Variants in FGF2 observed in about 807,000 individuals in gnomAD.
The protein encoded by FGF2 is basic fibroblast growth factor bFGF.
A neutral mutation model predicts 15.9 loss-of-function variants in FGF2; 13 were observed. That is an observed-to-expected ratio of 0.82 (90% CI 0.53 to 1.30). The LOEUF (loss-of-function observed/expected upper bound fraction) is 1.30, where lower values mean the gene tolerates loss of function less well. FGF2 is among the 50% of genes most tolerant of loss of function. The pLI is 0.00. For synonymous variants in FGF2, 90 were observed against 78.4 expected (o/e 1.15, Z -0.78); for missense variants, 163 against 196.9 (o/e 0.83, Z 1.03).
At chr4:122,843,436 G>A (rs1159017728) in intron 1 of FGF2, among the ~76,000 whole-genome samples, 1 of 152,196 alleles carries the variant, frequency 6.6e-6, no homozygotes, top group Non-Finnish European at 1.5e-5. Flanking sequence ...AAGTGGTGGG[G>A]AGTCAATGGA....
intron 1 of FGF2, among the ~76,000 whole-genome samples, chr4:122,830,693 A>G (rs1446759563): frequency 6.6e-6 from 1 of 152,018 alleles, no homozygotes. Flanking sequence ...CTGTGTAAAA[A>G]CATTCAGAAG....
intron 2 of FGF2, among the ~76,000 whole-genome samples, chr4:122,884,996 T>G (rs571254752): frequency 2.6e-5 from 4 of 152,300 alleles, no homozygotes; most frequent in Non-Finnish European, 4.4e-5. Context: ...TACAAGTTAG[T>G]TAGGGATCAA....
chr4:122,870,264 TGTTCATCAGG>T (rs1726702750), intron 1 of FGF2, among the ~76,000 whole-genome samples: 1 of 152,018 alleles, frequency 6.6e-6, no homozygotes, highest in Non-Finnish European at 1.5e-5. Context: ...TTCACATCAG[TGTTCATCAGG>T]GATGTTGGCC....
In FGF2 at chr4:122,892,790, T is replaced by G. The variant is rs1484326648; in HGVS notation, c.*394T>G. 2 of 1,479,228 alleles carry G rather than the reference T, an allele frequency of 1.4e-6. No individual in the cohort carries two copies. Among genetic ancestry groups the G allele is most frequent in the Admixed American group, 4.2e-5 (2 of 47,114 alleles). The allele number at this position is 1,479,228 out of a possible 1,614,324, so 91.6% of individuals were successfully genotyped here. On this transcript the variant is annotated 3_prime_UTR_variant, in exon 3 of 3. Coordinates refer to ENST00000644866, the MANE Select transcript of FGF2 (RefSeq NM_001361665.2). ...AAATGTCCACTATTTCTTATGTCAT[T>G]CGTTAGTCTACATGTTTCTAAACAT...
intron 1 of FGF2, among the ~76,000 whole-genome samples, chr4:122,830,081 A>T (rs751911858): frequency 1.3e-5 from 2 of 152,180 alleles, no homozygotes; most frequent in Non-Finnish European, 2.9e-5. Context: ...TGTCACTGGA[A>T]TTTTTTTTCC....
At chr4:122,881,363 A>G (rs942166585) in intron 2 of FGF2, among the ~76,000 whole-genome samples, 1 of 152,142 alleles carries the variant, frequency 6.6e-6, no homozygotes, top group Non-Finnish European at 1.5e-5. Flanking sequence ...TCAGGCTGCA[A>G]ATTTTCCAAA....
intron 1 of FGF2, among the ~76,000 whole-genome samples, chr4:122,841,297 A>G (rs1725979087): frequency 6.6e-6 from 1 of 152,184 alleles, no homozygotes; most frequent in South Asian, 2.1e-4. Flanking sequence ...TAAAATATTT[A>G]CTTCCTGGCC....
intron 1 of FGF2, among the ~76,000 whole-genome samples, chr4:122,875,862 C>T (rs1266172106): frequency 6.6e-6 from 1 of 152,204 alleles, no homozygotes; most frequent in Non-Finnish European, 1.5e-5. Flanking sequence ...GATTTTGTTT[C>T]ATTTGTGAAG....
At position 122,865,355 on chromosome 4, in the gene FGF2, A is replaced by G. The variant is rs1295734597; in HGVS notation, c.179-10966A>G. ...ATCCAGGCTGGAGTGCATTCGTGCT[A>G]TCTCGGCTGACTGCAACCTCCGCCT... On this transcript the variant is annotated intron_variant, in intron 1 of 2. Transcript: ENST00000644866. Among the ~76,000 whole-genome samples the G allele has an allele frequency of 2.0e-5, 3 of 152,108 alleles. No individual in the cohort carries two copies. In the East Asian group the frequency reaches 5.8e-4, roughly 29 times the overall value.
At chr4:122,833,425 A>C (rs1217972139) in intron 1 of FGF2, among the ~76,000 whole-genome samples, 1 of 152,054 alleles carries the variant, frequency 6.6e-6, no homozygotes, top group Non-Finnish European at 1.5e-5. Context: ...GCTATACATT[A>C]ATTTATAATG....
At chr4:122,836,559 C>G (rs1479380842) in intron 1 of FGF2, among the ~76,000 whole-genome samples, 2 of 152,166 alleles carry the variant, frequency 1.3e-5, no homozygotes, top group African/African-American at 4.8e-5. Flanking sequence ...TTTAAAAAAT[C>G]CAGACCACAT....
rs1178421678 is a variant in FGF2, at chr4:122,892,691, C to T, written c.*295C>T. 2.2e-6 allele frequency: 3 copies of T among 1,357,608 alleles called. No individual in the cohort carries two copies. Among genetic ancestry groups the T allele is most frequent in the Non-Finnish European group, 2.9e-6 (3 of 1,025,212 alleles). 84.1% of individuals were successfully genotyped at this position (1,357,608 alleles called of 1,614,324 possible). A position where few individuals can be genotyped will look rare whatever the true frequency, so the allele number is the denominator to read the frequency against. On this transcript the variant is annotated 3_prime_UTR_variant, in exon 3 of 3. Coordinates refer to ENST00000644866, the MANE Select transcript of FGF2 (RefSeq NM_001361665.2). The stretch of plus-strand genomic sequence containing the variant: ...TTCGAAAAGAGGCTTTTAAAATGTG[C>T]ATGTTTAGAAACAAAATTTCTTCAT...
chr4:122,883,975 TAA>T (rs1727009243), intron 2 of FGF2, among the ~76,000 whole-genome samples: 1 of 152,090 alleles, frequency 6.6e-6, no homozygotes, highest in East Asian at 1.9e-4. Flanking sequence ...AAATCTATAA[TAA>T]AGTAAAGTAG....
upstream of FGF2, chr4:122,826,793 T>C (rs1578519992): frequency 7.2e-7 from 1 of 1,383,066 alleles, no homozygotes; most frequent in Non-Finnish European, 9.5e-7. Context: ...GTGTGGGGGG[T>C]GGAGATGTAG....
rs1727303368 is a variant in FGF2 at position 122,894,877 on chromosome 4, A to G, written c.*2481A>G. 1 of 152,180 alleles carries G rather than the reference A, an allele frequency of 6.6e-6. No individual in the cohort carries two copies. The highest frequency in any genetic ancestry group is 1.5e-5 in the Non-Finnish European group (1 of 68,034). 9.4% of individuals were successfully genotyped at this position (152,180 alleles called of 1,614,324 possible). ...TTTTTATTCTTTATGTTTGAAAATA[A>G]ATTATGGGGATCCTATTTAGCTCTT... On this transcript the variant is annotated 3_prime_UTR_variant, in exon 3 of 3. Transcript: ENST00000644866.
In FGF2 at chr4:122,863,540, C is replaced by T. The variant is rs376591610; in HGVS notation, c.179-12781C>T. Among the ~76,000 whole-genome samples, 12 of 152,224 alleles carry T rather than the reference C, an allele frequency of 7.9e-5. No individual in the cohort carries two copies. In the East Asian group the frequency reaches 2.1e-3, roughly 27 times the overall value. ...TCTTTTGTCTCTCCCTTGCCAATAC[C>T]TTGCTCATGTGGTTATCTTCTATCT... On this transcript the variant is annotated intron_variant, in intron 1 of 2. Coordinates refer to ENST00000644866, the MANE Select transcript of FGF2 (RefSeq NM_001361665.2).
chr4:122,863,582 C>T (rs1292969563), intron 1 of FGF2, among the ~76,000 whole-genome samples: 1 of 152,188 alleles, frequency 6.6e-6, no homozygotes, highest in Non-Finnish European at 1.5e-5. Context: ...CAAAACTTAG[C>T]TCAAAACTCA....
chr4:122,832,352 G>GTTCAAGCAATTCTTCTGC (rs1320887915), intron 1 of FGF2, among the ~76,000 whole-genome samples: 1 of 152,132 alleles, frequency 6.6e-6, no homozygotes, highest in Non-Finnish European at 1.5e-5. Context: ...TCCTTCCTGG[G>GTTCAAGCAATTCTTCTGC]TTCAAGCAAT....
At chr4:122,885,476 T>C (rs2150788875) in intron 2 of FGF2, among the ~76,000 whole-genome samples, 1 of 152,344 alleles carries the variant, frequency 6.6e-6, no homozygotes, top group South Asian at 2.1e-4. Context: ...TTGCTGTATC[T>C]AGTGACTTGA....
Sources: gnomAD v4.1 joint callset for allele counts (sites outside exome capture counted in the v4.1 genomes callset) on GRCh38, gnomAD v4.1.1 for gene constraint, MANE v1.5 for transcripts, NCBI Gene and HGNC (gene_info 2026-07-23, HGNC 2026-07-21) for gene names.